FBN2: variants seen among roughly 807,000 people sequenced by gnomAD.
FBN2 encodes the protein fibrillin 2.
In FBN2, 105 loss-of-function variants were observed where a neutral mutation model predicts 355.6. The observed-to-expected ratio is 0.30, with a 90% confidence interval of 0.25 to 0.35. FBN2 has a LOEUF of 0.35. Among genes scored for constraint, FBN2 ranks in the 10% least tolerant of loss-of-function variants. The probability of loss-of-function intolerance (pLI) is 1.00; values close to 1 mark genes in which losing one functional copy is unlikely to be tolerated. For synonymous variants in FBN2, 1,350 were observed against 1,301.2 expected (o/e 1.04, Z -0.81); for missense variants, 3,280 against 3,758.7 (o/e 0.87, Z 3.33).
At chr5:128,451,403 AT>A (rs1314822303) in intron 6 of FBN2, among the ~76,000 whole-genome samples, 1 of 152,078 alleles carries the variant, frequency 6.6e-6, no homozygotes, top group Non-Finnish European at 1.5e-5. Context: ...TGTTATTATT[AT>A]TTTTTGAGAA....
Position 128,324,777 on chromosome 5 carries a change from C to T in FBN2, c.4471+3919G>A, listed in dbSNP as rs549288786. Among the ~76,000 whole-genome samples the T allele has an allele frequency of 2.2e-3, 336 of 152,120 alleles. 2 individuals are homozygous for T. Among genetic ancestry groups the T allele is most frequent in the African/African-American group, 7.6e-3 (315 of 41,496 alleles). On this transcript the variant is annotated intron_variant, in intron 34 of 64. Transcript: ENST00000262464. ...CGACTACAGGTGCCCGGCATCATGC[C>T]CGGCTAACTTTTTTTGTATTTTTAG...
intron 7 of FBN2, 111 bp from the exon 8 acceptor site, chr5:128,408,910 T>C: frequency 1.1e-5 from 13 of 1,149,518 alleles, no homozygotes; most frequent in Non-Finnish European, 1.7e-5. Context: ...TTAGGTCAGA[T>C]CATATAACCC....
intron 5 of FBN2, among the ~76,000 whole-genome samples, chr5:128,507,949 C>T (rs1459459422): frequency 1.3e-5 from 2 of 151,952 alleles, no homozygotes; most frequent in Non-Finnish European, 2.9e-5. Context: ...TGAAGCTATG[C>T]TATTAAGTGA....
Position 128,310,075 on chromosome 5 carries a change from C to G in FBN2, c.5108G>C (p.Cys1703Ser). The G allele has an allele frequency of 6.2e-7, 1 of 1,613,436 alleles. No homozygotes were observed. Among genetic ancestry groups the G allele is most frequent in the Non-Finnish European group, 8.5e-7 (1 of 1,179,478 alleles). The stretch of plus-strand genomic sequence containing the variant: ...GGTGTTATAGCAGGTCCCAGGCCCA[C>G]ACACACCAGGATGTGCAAAACACTC... ...IDECFAHPGV[C>S]GPGTCYNTLG... Residue 1703 changes from cysteine to serine, a missense_variant, in exon 40 of 65, where the codon TGT becomes TCT. Around this residue, in one of 6 missense-constraint regions of FBN2, gnomAD observed 2,284 missense variants for 2,749.5 expected, o/e 0.83. Coordinates refer to ENST00000262464, the MANE Select transcript of FBN2 (RefSeq NM_001999.4).
intron 7 of FBN2, among the ~76,000 whole-genome samples, chr5:128,430,374 T>C (rs1337431273): frequency 6.6e-6 from 1 of 152,194 alleles, no homozygotes; most frequent in Non-Finnish European, 1.5e-5. Context: ...TTTAAGTCTT[T>C]ACTTTTTTGT....
At chr5:128,311,999 T>A in intron 37 of FBN2, 46 bp from the exon 38 acceptor site, 1 of 1,326,446 alleles carries the variant, frequency 7.5e-7, no homozygotes, top group Non-Finnish European at 1.1e-6. Flanking sequence ...TGTGTCCAAG[T>A]GGCTGAGACA....
chr5:128,271,163 A>G (rs1267735662), intron 62 of FBN2, among the ~76,000 whole-genome samples: 1 of 152,264 alleles, frequency 6.6e-6, no homozygotes, highest in Non-Finnish European at 1.5e-5. Flanking sequence ...GTGGATCACA[A>G]TAATTCAATA....
intron 34 of FBN2, 61 bp downstream of exon 34, chr5:128,328,635 T>C (rs768566334): frequency 1.3e-6 from 2 of 1,588,628 alleles, no homozygotes; most frequent in Admixed American, 1.7e-5. Flanking sequence ...CAGCCCTTGT[T>C]GTGGTTTCAT....
rs766693935 is a variant in FBN2 at position 128,344,514 on chromosome 5, A to G, written c.3218-4T>C. The G allele has an allele frequency of 5.6e-6, 9 of 1,613,788 alleles. No homozygotes were observed. The highest frequency in any genetic ancestry group is 7.6e-6 in the Non-Finnish European group (9 of 1,179,794). On this transcript the variant is annotated splice_polypyrimidine_tract_variant and splice_region_variant and intron_variant, in intron 24 of 64. Coordinates refer to ENST00000262464, the MANE Select transcript of FBN2 (RefSeq NM_001999.4). ...AATGCTTTGCATTCATTGATGTCTAAAAGCAGAATGAAGCCAGAATGTAGA... is the reference window on the plus strand; with the variant it reads ...AATGCTTTGCATTCATTGATGTCTAGAAGCAGAATGAAGCCAGAATGTAGA...
chr5:128,365,099 G>A (rs1751733733), intron 17 of FBN2: 1 of 192,790 alleles, frequency 5.2e-6, no homozygotes, highest in Non-Finnish European at 1.1e-5. Context: ...AGATTTATTA[G>A]GGTGGCCCAT....
intron 11 of FBN2, among the ~76,000 whole-genome samples, chr5:128,380,790 T>G (rs331088): frequency 0.013 from 1,960 of 152,154 alleles, 21 homozygotes; most frequent in Non-Finnish European, 0.018. Context: ...TTATTCTGAG[T>G]CTCACAGTCC....
intron 5 of FBN2, among the ~76,000 whole-genome samples, chr5:128,482,964 T>A (rs890283586): frequency 6.6e-6 from 1 of 152,130 alleles, no homozygotes; most frequent in African/African-American, 2.4e-5. Flanking sequence ...CAATGCTGAA[T>A]TGGATAAAGA....
At chr5:128,360,556 G>A (rs748602779) in intron 19 of FBN2, among the ~76,000 whole-genome samples, 1 of 151,930 alleles carries the variant, frequency 6.6e-6, no homozygotes, top group East Asian at 1.9e-4. Context: ...TTATGCTGAA[G>A]TTTTCTTTTT....
At chr5:128,408,603 T>G in intron 8 of FBN2, 71 bp downstream of exon 8, 1 of 1,573,572 alleles carries the variant, frequency 6.4e-7, no homozygotes, top group Non-Finnish European at 8.7e-7. Flanking sequence ...CGTTGCCATC[T>G]TCATACCTGT....
At chr5:128,408,642 A>G in intron 8 of FBN2, 32 bp downstream of exon 8, 1 of 1,613,542 alleles carries the variant, frequency 6.2e-7, no homozygotes, top group Non-Finnish European at 8.5e-7. Context: ...ATAAAGACCC[A>G]GTGTATTGAG....
At chr5:128,485,841 A>G (rs1755322796) in intron 5 of FBN2, among the ~76,000 whole-genome samples, 1 of 152,182 alleles carries the variant, frequency 6.6e-6, no homozygotes, top group Non-Finnish European at 1.5e-5. Flanking sequence ...AGTGGTAGGC[A>G]CATAAAGGAC....
chr5:128,301,064 A>C, intron 47 of FBN2, 128 bp from the exon 48 acceptor site: 2 of 820,880 alleles, frequency 2.4e-6, no homozygotes, highest in Non-Finnish European at 4.0e-6. Context: ...CACCATGAAC[A>C]AATATTACCA....
In FBN2 at chr5:128,265,053, T is replaced by A. The variant is rs539166727; in HGVS notation, c.7961-1397A>T. Among the ~76,000 whole-genome samples, 5 of 152,336 alleles carry A rather than the reference T, an allele frequency of 3.3e-5. No homozygotes were observed. In the South Asian group the frequency reaches 1.0e-3, roughly 32 times the overall value. On this transcript the variant is annotated intron_variant, in intron 62 of 64. Transcript: ENST00000262464. The stretch of plus-strand genomic sequence containing the variant: ...TGCTGATTATCTAATATGTGAAAAT[T>A]CTTAGCCTTTATGGCAGGGGAAGAA...
chr5:128,307,854 G>A (rs1749926005), intron 41 of FBN2, among the ~76,000 whole-genome samples: 1 of 151,990 alleles, frequency 6.6e-6, no homozygotes, highest in Admixed American at 6.6e-5. Flanking sequence ...CTATACAAGT[G>A]AGTAAAACTC....
Sources: gnomAD v4.1 joint callset for allele counts (sites outside exome capture counted in the v4.1 genomes callset) on GRCh38, gnomAD v4.1.1 for gene constraint, gnomAD v4.1.1 regional missense constraint, MANE v1.5 for transcripts, NCBI Gene and HGNC (gene_info 2026-07-23, HGNC 2026-07-21) for gene names.